The following TCF25 variants were observed in gnomAD, a reference collection of about 807,000 sequenced individuals.
TCF25 encodes ribosome quality control complex subunit TCF25.
In TCF25, 41 loss-of-function variants were observed where a neutral mutation model predicts 83.1. The ratio of observed to expected loss-of-function variants is 0.49; its 90% CI spans 0.38 to 0.64. TCF25 has a LOEUF of 0.64. Among genes scored for constraint, TCF25 ranks in the 30% least tolerant of loss-of-function variants. TCF25 has a pLI of 0.00. For synonymous variants in TCF25, 458 were observed against 365.0 expected, an observed-to-expected ratio of 1.25 and a Z score of -2.90; for missense variants, 979 against 914.5, an observed-to-expected ratio of 1.07 and a Z score of -0.91.
At position 89,893,794 on chromosome 16, in the gene TCF25, A is replaced by G; in HGVS notation, c.764A>G (p.Glu255Gly). Residue 255 changes from glutamate (E) to glycine (G), a missense_variant, in exon 7 of 18, where the codon GAG becomes GGG. By Grantham distance (98) the Glu-to-Gly change is moderately conservative. Transcript: ENST00000263346. ...LSFFAFEHSE[E>G]YQQAQHKFLV... ...TTCTTTGCGTTTGAGCACAGTGAGG[A>G]GTACCAGCAGGCTCAGCACAAGTTC... is the stretch of plus-strand genomic sequence containing the variant. 1 of 1,613,254 alleles carries G rather than the reference A, an allele frequency of 6.2e-7. No homozygotes were observed. The highest frequency in any genetic ancestry group is 2.2e-5 in the East Asian group (1 of 44,818).
chr16:89,896,128 T>C (rs755951862), intron 9 of TCF25, 45 bp downstream of exon 9: 2 of 1,581,480 alleles, frequency 1.3e-6, no homozygotes, highest in Non-Finnish European at 1.7e-6. Context: ...CCTTCCCTTC[T>C]CCTGCGAGTG....
chr16:89,908,958 C>T, intron 16 of TCF25: 1 of 1,289,368 alleles, frequency 7.8e-7, no homozygotes, highest in Non-Finnish European at 1.0e-6. Context: ...GGGTCTTTCC[C>T]CTCACAGGAA....
chr16:89,909,047 G>C (rs1036818237), intron 16 of TCF25: 2 of 1,289,536 alleles, frequency 1.6e-6, no homozygotes, highest in South Asian at 1.2e-5. Flanking sequence ...CATCTCCACC[G>C]AATGTACAAG....
chr16:89,908,250 TCCCACCTCC>T (rs2045139160), intron 16 of TCF25, among the ~76,000 whole-genome samples: 1 of 93,490 alleles, frequency 1.1e-5, no homozygotes, highest in Non-Finnish European at 2.1e-5. Flanking sequence ...ACCTCCCAGC[TCCCACCTCC>T]CAGCTCCCTC....
chr16:89,893,884 A>C lies in TCF25; in HGVS notation c.828+26A>C, dbSNP rs760642704. On this transcript the variant is annotated intron_variant, in intron 7 of 17. Coordinates refer to ENST00000263346, the MANE Select transcript of TCF25 (RefSeq NM_014972.3). ...GTGCGTGGTCCCTGCAGCCCCTGAC[A>C]GGAGCAGGGGCCATGTAGCCACCAC... 11 of 1,583,926 alleles carry C rather than the reference A, an allele frequency of 6.9e-6. No homozygotes were observed. The South Asian group carries it at 1.1e-4, about 16-fold the overall frequency.
At chr16:89,901,133 C>T (rs530939106) in intron 12 of TCF25, 13 of 221,542 alleles carry the variant, frequency 5.9e-5, no homozygotes, top group Non-Finnish European at 1.1e-4. Flanking sequence ...GTCTCGGCAG[C>T]GCCGAGGTGT....
In TCF25 at chr16:89,895,028, C is replaced by T. The variant is rs781709029; in HGVS notation, c.829-10C>T. ...TGCCTTTCCTCCAGGGCTGTCCTCCCTTCTGGTAGGTTCTGCTCCAGACGA... is the reference window on the plus strand; with the variant it reads ...TGCCTTTCCTCCAGGGCTGTCCTCCTTTCTGGTAGGTTCTGCTCCAGACGA... On this transcript the variant is annotated splice_polypyrimidine_tract_variant and intron_variant, in intron 7 of 17. Coordinates refer to ENST00000263346, the MANE Select transcript of TCF25 (RefSeq NM_014972.3). 2 of 1,611,810 alleles carry T rather than the reference C, an allele frequency of 1.2e-6. No homozygotes were observed. The highest frequency in any genetic ancestry group is 1.7e-5 in the Admixed American group (1 of 59,950).
At chr16:89,879,983 A>G (rs7192387) in intron 1 of TCF25, among the ~76,000 whole-genome samples, 5,279 of 141,552 alleles carry the variant, frequency 0.037, 311 homozygotes, top group African/African-American at 0.11. Flanking sequence ...TCCCAGGACT[A>G]TCACGCGTGC....
At position 89,888,840 on chromosome 16, in the gene TCF25, ATTTTTTTTTTTTTTT is replaced by A. The variant is rs34444102; in HGVS notation, c.614+1135_614+1149del. On this transcript the variant is annotated intron_variant, in intron 5 of 17. Coordinates refer to ENST00000263346, the MANE Select transcript of TCF25 (RefSeq NM_014972.3). Reference sequence around the variant, plus strand: ...AGGTGCACGCCACCACGCCCAGCTAATTTTTTTTTTTTTTTTTTTTTTTTTTAGTAGAGACGGGGC... The same window carrying A: ...AGGTGCACGCCACCACGCCCAGCTAATTTTTTTTTTTAGTAGAGACGGGGC... 1.8e-5 allele frequency among the ~76,000 whole-genome samples: 2 copies of A among 109,918 alleles called. 1 individual carries two copies. Among genetic ancestry groups the A allele is most frequent in the Admixed American group, 1.8e-4 (2 of 10,872 alleles). 72.1% of individuals were successfully genotyped at this position (109,918 alleles called of 152,430 possible). A position where few individuals can be genotyped will look rare whatever the true frequency, so the allele number is the denominator to read the frequency against.
chr16:89,904,980 G>A lies in TCF25; in HGVS notation c.1512G>A (p.Gly504=). The change falls in exon 14 of 18, where the codon GGG becomes GGA. Residue 504 remains glycine, a synonymous_variant. Coordinates refer to ENST00000263346, the MANE Select transcript of TCF25 (RefSeq NM_014972.3). ...GCCAGCTGGTGAACCTGTACCTTGGGAGGTCACACTTTCTCTGGAAAGAGC... is the reference window on the plus strand; with the variant it reads ...GCCAGCTGGTGAACCTGTACCTTGGAAGGTCACACTTTCTCTGGAAAGAGC... ...ALSQLVNLYL[G]RSHFLWKEPA... 2 of 1,608,440 alleles carry A rather than the reference G, an allele frequency of 1.2e-6. No homozygotes were observed. The highest frequency in any genetic ancestry group is 1.7e-6 in the Non-Finnish European group (2 of 1,177,800).
chr16:89,878,350 C>T (rs752697874), intron 1 of TCF25: 1 of 1,047,020 alleles, frequency 9.6e-7, no homozygotes, highest in Non-Finnish European at 1.2e-6. Context: ...CTGTGGGAGG[C>T]CAAGGCGGGT....
intron 1 of TCF25, among the ~76,000 whole-genome samples, chr16:89,881,687 C>T (rs2042619357): frequency 6.6e-6 from 1 of 152,106 alleles, no homozygotes; most frequent in African/African-American, 2.4e-5. Flanking sequence ...TCAGATGATC[C>T]TCCTGCCTCA....
In TCF25 at chr16:89,898,907, C is replaced by T. The variant is rs372095503; in HGVS notation, c.1221+35C>T. 68 of 1,585,098 alleles carry T rather than the reference C, an allele frequency of 4.3e-5. No homozygotes were observed. The East Asian group carries it at 4.9e-4, about 11-fold the overall frequency. ...AGCCTGGTGAGGCCCCGTGGAGGGA[C>T]GGACACCTGCTTCTCCTTCTGTTTT... On this transcript the variant is annotated intron_variant, in intron 11 of 17. Transcript: ENST00000263346.
In TCF25 at chr16:89,883,354, A is replaced by G. The variant is rs2042749586; in HGVS notation, c.196A>G (p.Asn66Asp). Residue 66 changes from asparagine to aspartate, a missense_variant, in exon 2 of 18, where the codon AAC becomes GAC. Coordinates refer to ENST00000263346, the MANE Select transcript of TCF25 (RefSeq NM_014972.3). ...VRVNNRFELI[N>D]IDDLEDDPVV... ...CTTCTCCAACCTGTTTTTCCAGATA[A>G]ACATTGACGATCTTGAGGATGACCC... The G allele has an allele frequency of 6.2e-7, 1 of 1,612,782 alleles. No individual in the cohort carries two copies. Among genetic ancestry groups the G allele is most frequent in the Non-Finnish European group, 8.5e-7 (1 of 1,179,056 alleles).
chr16:89,879,232 A>G (rs1382204664), intron 1 of TCF25, among the ~76,000 whole-genome samples: 1 of 145,732 alleles, frequency 6.9e-6, no homozygotes, highest in South Asian at 2.2e-4. Context: ...GGCCTGTCAC[A>G]CGTGTTGTCC....
Position 89,873,804 on chromosome 16 carries a change from G to C in TCF25, c.137G>C (p.Arg46Pro). 6.3e-7 allele frequency: 1 copy of C among 1,598,976 alleles called. No individual in the cohort carries two copies. Among genetic ancestry groups the C allele is most frequent in the Non-Finnish European group, 8.5e-7 (1 of 1,174,568 alleles). The change falls in exon 1 of 18, where the codon CGG becomes CCG. Residue 46 changes from arginine to proline, a missense_variant. Physicochemically the swap from Arg to Pro is moderately radical, Grantham distance 103. Transcript: ENST00000263346. ...GGGCCCAAGCGGGAGCTTGGTGTCC[G>C]GCGTCCCGGGGGCGCAGGGAAGGAG... ...EEGPKRELGVRRPGGAGKEGV... is the reference protein window; with the variant it reads ...EEGPKRELGVPRPGGAGKEGV...
chr16:89,887,675 T>C lies in TCF25; in HGVS notation c.572T>C (p.Leu191Pro). The C allele has an allele frequency of 6.3e-7, 1 of 1,590,822 alleles. No individual in the cohort carries two copies. The highest frequency in any genetic ancestry group is 8.5e-7 in the Non-Finnish European group (1 of 1,173,162). ...AGACACTTGAATCCAGACACAGAAC[T>C]GAAAAGGTATTTTGGTGCCCGGGCA... Reference protein sequence around the residue: ...EHRHLNPDTELKRYFGARAIL... With the variant: ...EHRHLNPDTEPKRYFGARAIL... The change falls in exon 5 of 18, where the codon CTG (leucine) becomes CCG (proline). Residue 191 changes from leucine to proline, a missense_variant. Physicochemically the swap from Leu to Pro is moderately conservative, Grantham distance 98. Coordinates refer to ENST00000263346, the MANE Select transcript of TCF25 (RefSeq NM_014972.3).
intron 1 of TCF25, among the ~76,000 whole-genome samples, chr16:89,877,698 A>G (rs2042300101): frequency 6.6e-6 from 1 of 152,192 alleles, no homozygotes; most frequent in African/African-American, 2.4e-5. Flanking sequence ...GTGAGACCGA[A>G]ACTTGGTTCT....
In TCF25 at chr16:89,883,394, A is replaced by T; in HGVS notation, c.236A>T (p.Glu79Val). The T allele has an allele frequency of 6.2e-7, 1 of 1,613,698 alleles. No homozygotes were observed. The highest frequency in any genetic ancestry group is 1.6e-4 in the Middle Eastern group (1 of 6,062). Residue 79 changes from glutamate (E) to valine (V), a missense_variant, in exon 2 of 18, where the codon GAG (glutamate) becomes GTG (valine). Coordinates refer to ENST00000263346, the MANE Select transcript of TCF25 (RefSeq NM_014972.3). ...GAGGATGACCCTGTGGTGAACGGGG[A>T]GAGGTCTGGCTGTGCGCTCACAGAC... ...DLEDDPVVNGERSGCALTDAV... is the reference protein window; with the variant it reads ...DLEDDPVVNGVRSGCALTDAV...
Sources: allele counts gnomAD v4.1 joint callset (sites outside exome capture counted in the v4.1 genomes callset), GRCh38; gene constraint gnomAD v4.1.1; transcripts MANE v1.5; gene names NCBI Gene and HGNC (gene_info 2026-07-23, HGNC 2026-07-21).